Variants in ADGRL2 observed in about 807,000 individuals in gnomAD.
ADGRL2 encodes adhesion G protein-coupled receptor L2.
A neutral mutation model predicts 157.4 loss-of-function variants in ADGRL2; 44 were observed. The ratio of observed to expected loss-of-function variants is 0.28; its 90% CI spans 0.22 to 0.36. ADGRL2 has a LOEUF of 0.36. Ranked by LOEUF, ADGRL2 falls within the 10% of genes least tolerant of loss-of-function variation. The pLI, the probability that ADGRL2 is intolerant of heterozygous loss-of-function variation, is 1.00. For synonymous variants in ADGRL2, 585 were observed against 624.7 expected, an observed-to-expected ratio of 0.94 and a Z score of 0.95; for missense variants, 1,510 against 1,768.9, an observed-to-expected ratio of 0.85 and a Z score of 2.63.
In ADGRL2 at chr1:81,943,217, G is replaced by A. The variant is rs865853749; in HGVS notation, c.658G>A (p.Asp220Asn). 1 of 1,613,522 alleles carries A rather than the reference G, an allele frequency of 6.2e-7. No individual in the cohort carries two copies. Among genetic ancestry groups the A allele is most frequent in the African/African-American group, 1.3e-5 (1 of 74,888 alleles). ...AGATGGTACTGGATTTGTGGTGTAT[G>A]ATGGTGCTGTCTTCTTTAACAAAGA... ...RVDGTGFVVY[D>N]GAVFFNKERT... Residue 220 changes from aspartate to asparagine, a missense_variant, in exon 6 of 24, where the codon GAT becomes AAT. Asp to Asn is a conservative substitution (Grantham distance 23, BLOSUM62 1). Transcript: ENST00000686636. This position sits in a 1 kb window ranked among gnomAD's most constrained non-coding sequence, Gnocchi z 5.6.
At chr1:81,390,745 T>C (rs1346231858) in intron 1 of ADGRL2, among the ~76,000 whole-genome samples, 3 of 152,302 alleles carry the variant, frequency 2.0e-5, no homozygotes, top group African/African-American at 7.2e-5. Flanking sequence ...CAGTACATAT[T>C]GATCTACCAT....
chr1:81,427,365 G>T (rs2077237464), intron 1 of ADGRL2: 1 of 734,554 alleles, frequency 1.4e-6, no homozygotes, highest in East Asian at 2.4e-5. Flanking sequence ...GGCGGACCAG[G>T]ATATGGAAAC....
At position 81,503,318 on chromosome 1, in the gene ADGRL2, C is replaced by A. The variant is rs112212096; in HGVS notation, c.-248+58229C>A. ...ACCACCTACGCAGGTGTGCTGTTTG[C>A]CCAGAAGCCTGTGGTCCACCTCATC... On this transcript the variant is annotated intron_variant, in intron 2 of 24. Coordinates refer to the ADGRL2 transcript ENST00000370721. 21 of 1,614,036 alleles carry A rather than the reference C, an allele frequency of 1.3e-5. No homozygotes were observed. The African/African-American group carries it at 2.4e-4, about 18-fold the overall frequency.
At chr1:81,936,191 G>A (rs902852346) in intron 3 of ADGRL2, among the ~76,000 whole-genome samples, 1 of 151,842 alleles carries the variant, frequency 6.6e-6, no homozygotes, top group Non-Finnish European at 1.5e-5. Context: ...ATTCCAGAAA[G>A]TATGTACAAT....
chr1:81,482,778 A>C (rs2078416983), intron 2 of ADGRL2, among the ~76,000 whole-genome samples: 1 of 151,688 alleles, frequency 6.6e-6, no homozygotes, highest in Non-Finnish European at 1.5e-5. Flanking sequence ...TACCTTCACT[A>C]AAACAGTATC....
intron 1 of ADGRL2, among the ~76,000 whole-genome samples, chr1:81,382,478 G>T (rs1473172038): frequency 1.3e-5 from 2 of 152,148 alleles, no homozygotes; most frequent in African/African-American, 4.8e-5. Flanking sequence ...AGACATGCCA[G>T]AGATAAAAAT....
chr1:81,839,967 A>C (rs2092497810), intron 2 of ADGRL2, among the ~76,000 whole-genome samples: 1 of 114,784 alleles, frequency 8.7e-6, no homozygotes. Context: ...TACACACAAC[A>C]CACACATCAC....
chr1:81,878,119 T>C (rs2093889312), intron 2 of ADGRL2, among the ~76,000 whole-genome samples: 1 of 152,150 alleles, frequency 6.6e-6, no homozygotes, highest in Non-Finnish European at 1.5e-5. Flanking sequence ...TCTGGTAAGC[T>C]TTCCAAGAGA....
intron 18 of ADGRL2, chr1:81,981,217 C>T (rs1401117661): frequency 7.8e-6 from 2 of 254,900 alleles, no homozygotes; most frequent in Non-Finnish European, 1.7e-5. Flanking sequence ...CTATTTTCTA[C>T]AGTTCTTTTC....
chr1:81,408,640 C>T (rs924770348), intron 1 of ADGRL2, among the ~76,000 whole-genome samples: 5 of 152,152 alleles, frequency 3.3e-5, no homozygotes, highest in South Asian at 2.1e-4. Flanking sequence ...CTTGTTCACT[C>T]GTGCATAAAA....
At chr1:81,902,776 T>C (rs1384065978) in intron 2 of ADGRL2, among the ~76,000 whole-genome samples, 1 of 152,200 alleles carries the variant, frequency 6.6e-6, no homozygotes, top group Non-Finnish European at 1.5e-5. Context: ...TTGATTCATG[T>C]TTATTTTCTC....
chr1:81,609,045 T>A (rs1490742995), intron 3 of ADGRL2, among the ~76,000 whole-genome samples: 2 of 151,754 alleles, frequency 1.3e-5, no homozygotes. Flanking sequence ...CAAGTGATTT[T>A]TTTTTTTTTT....
intron 1 of ADGRL2, among the ~76,000 whole-genome samples, chr1:81,707,698 G>C (rs544774857): frequency 6.6e-6 from 1 of 151,976 alleles, no homozygotes; most frequent in African/African-American, 2.4e-5. Flanking sequence ...CTCAGTGCTC[G>C]GTTCTACCCA....
chr1:81,942,697 C>A (rs1340815359), intron 5 of ADGRL2: 5 of 453,290 alleles, frequency 1.1e-5, no homozygotes, highest in Non-Finnish European at 2.0e-5. Context: ...GAAAACATAG[C>A]AAAAATTTAA....
chr1:81,746,129 A>G (rs2085239029), intron 1 of ADGRL2, among the ~76,000 whole-genome samples: 1 of 152,102 alleles, frequency 6.6e-6, no homozygotes, highest in African/African-American at 2.4e-5. Flanking sequence ...TTTGATTTTT[A>G]TTTCTAATAT....
chr1:81,931,237 C>G (rs2095224545), intron 3 of ADGRL2, among the ~76,000 whole-genome samples: 1 of 152,064 alleles, frequency 6.6e-6, no homozygotes, highest in Admixed American at 6.6e-5. Context: ...TTTGGATTTT[C>G]TTTGTTGTGG....
chr1:81,807,744 G>A (rs1243357916), intron 1 of ADGRL2, among the ~76,000 whole-genome samples: 3 of 151,718 alleles, frequency 2.0e-5, no homozygotes, highest in Non-Finnish European at 4.4e-5. Context: ...AGCATGTTAA[G>A]TATAGAAATT....
intron 3 of ADGRL2, among the ~76,000 whole-genome samples, chr1:81,621,445 T>A (rs1194773612): frequency 1.3e-5 from 2 of 152,186 alleles, no homozygotes; most frequent in Non-Finnish European, 1.5e-5. Flanking sequence ...ATTTTCCTGC[T>A]GTCCTGGAAG....
chr1:81,585,153 A>G (rs889003697), intron 3 of ADGRL2, among the ~76,000 whole-genome samples: 2 of 152,154 alleles, frequency 1.3e-5, no homozygotes, highest in African/African-American at 4.8e-5. Flanking sequence ...TATTGCTACA[A>G]GCTTTTGTTG....
Sources: gnomAD v4.1 joint callset for allele counts (sites outside exome capture counted in the v4.1 genomes callset) on GRCh38, gnomAD v4.1.1 for gene constraint, Gnocchi (gnomAD v3.1) non-coding constraint, MANE v1.5 for transcripts, NCBI Gene and HGNC (gene_info 2026-07-23, HGNC 2026-07-21) for gene names.